FAT3: variants seen among roughly 807,000 people sequenced by gnomAD.
FAT3 encodes the protein protocadherin Fat 3.
In FAT3, 95 loss-of-function variants were observed where a neutral mutation model predicts 310.2. That is an observed-to-expected ratio of 0.31 (90% confidence interval 0.26 to 0.36). The LOEUF (loss-of-function observed/expected upper bound fraction) is 0.36, where lower values mean the gene tolerates loss of function less well. Among genes scored for constraint, FAT3 ranks in the 10% least tolerant of loss-of-function variants. FAT3 has a pLI of 1.00. For missense variants in FAT3, 5,408 were observed against 5,715.6 expected (o/e 0.95, Z 1.74); for synonymous variants, 2,314 against 2,192.9 (o/e 1.06, Z -1.54).
chr11:92,867,063 A>G lies in FAT3; in HGVS notation c.11981A>G (p.Asn3994Ser), dbSNP rs1438060241. The part of the protein sequence containing the change: ...GCLDSVILNN[N>S]ELPLQNKRSS... ...CTGGACTCGGTGATACTGAATAACAATGAGCTGCCGCTGCAGAACAAGCGC... is the reference window on the plus strand; with the variant it reads ...CTGGACTCGGTGATACTGAATAACAGTGAGCTGCCGCTGCAGAACAAGCGC... The change falls in exon 22 of 28, where the codon AAT becomes AGT. Residue 3994 changes from asparagine to serine, a missense_variant. Asn to Ser is a conservative substitution (Grantham distance 46, BLOSUM62 1). This residue lies in a region of FAT3 where 4,588 missense variants were observed against 4,809.8 expected (regional missense o/e 0.95). Coordinates refer to ENST00000525166, the MANE Select transcript of FAT3 (RefSeq NM_001367949.2). The G allele has an allele frequency of 1.3e-6, 2 of 1,589,838 alleles. No homozygotes were observed. The highest frequency in any genetic ancestry group is 1.7e-6 in the Non-Finnish European group (2 of 1,168,474).
At chr11:92,263,070 A>G (rs1865623485) in intron 1 of FAT3, among the ~76,000 whole-genome samples, 1 of 151,532 alleles carries the variant, frequency 6.6e-6, no homozygotes, top group East Asian at 1.9e-4. Context: ...TGTTGATCTC[A>G]TCTACCTGGG....
chr11:92,436,032 T>A (rs1950931835), intron 2 of FAT3, among the ~76,000 whole-genome samples: 1 of 152,210 alleles, frequency 6.6e-6, no homozygotes, highest in South Asian at 2.1e-4. Flanking sequence ...GCTCTCTCAT[T>A]CATCTGTGCA....
intron 3 of FAT3, among the ~76,000 whole-genome samples, chr11:92,673,996 C>T (rs1449572548): frequency 6.6e-6 from 1 of 151,938 alleles, no homozygotes; most frequent in East Asian, 1.9e-4. Context: ...GCCTGGCCAA[C>T]ATGGTGAAAC....
At chr11:92,387,013 G>A (rs1949639266) in intron 2 of FAT3, among the ~76,000 whole-genome samples, 1 of 151,742 alleles carries the variant, frequency 6.6e-6, no homozygotes, top group Non-Finnish European at 1.5e-5. Context: ...GATTCATAAT[G>A]TACTGTGATA....
chr11:92,549,565 A>G (rs1206684304), intron 3 of FAT3, among the ~76,000 whole-genome samples: 1 of 150,508 alleles, frequency 6.6e-6, no homozygotes, highest in Non-Finnish European at 1.5e-5. Context: ...TTTGGCATTT[A>G]CTTAAGGTAC....
At chr11:92,280,628 A>C (rs1946395476) in intron 1 of FAT3, among the ~76,000 whole-genome samples, 1 of 152,158 alleles carries the variant, frequency 6.6e-6, no homozygotes, top group Non-Finnish European at 1.5e-5. Flanking sequence ...AACCTCTTAA[A>C]ATATTTCAGA....
chr11:92,329,341 T>C (rs1947847417), intron 1 of FAT3, among the ~76,000 whole-genome samples: 1 of 151,936 alleles, frequency 6.6e-6, no homozygotes, highest in African/African-American at 2.4e-5. Context: ...AGCTGGCTGT[T>C]AAAAAGAGCC....
At chr11:92,466,924 A>G (rs1201228516) in intron 2 of FAT3, among the ~76,000 whole-genome samples, 1 of 151,966 alleles carries the variant, frequency 6.6e-6, no homozygotes, top group Non-Finnish European at 1.5e-5. Context: ...ATCATTTTGT[A>G]TGGCTGCATA....
chr11:92,606,164 G>A (rs977211189), intron 3 of FAT3, among the ~76,000 whole-genome samples: 1 of 152,180 alleles, frequency 6.6e-6, no homozygotes, highest in African/African-American at 2.4e-5. Context: ...AACTATGCCA[G>A]TGTTTTCTCC....
chr11:92,421,364 GAGA>G (rs1260080161), intron 2 of FAT3, among the ~76,000 whole-genome samples: 1 of 152,158 alleles, frequency 6.6e-6, no homozygotes, highest in Non-Finnish European at 1.5e-5. Context: ...TGCAAAATTA[GAGA>G]AGATGTCTGG....
intron 2 of FAT3, among the ~76,000 whole-genome samples, chr11:92,370,912 C>G (rs1949169248): frequency 6.6e-6 from 1 of 152,132 alleles, no homozygotes; most frequent in South Asian, 2.1e-4. Flanking sequence ...GTTCAAGAAC[C>G]AGGATGTAAG....
chr11:92,591,301 A>T (rs901191717), intron 3 of FAT3, among the ~76,000 whole-genome samples: 1 of 152,090 alleles, frequency 6.6e-6, no homozygotes, highest in Non-Finnish European at 1.5e-5. Context: ...GATGGTTCTT[A>T]ATGGGTCCCT....
intron 3 of FAT3, among the ~76,000 whole-genome samples, chr11:92,543,868 T>C (rs907182189): frequency 2.6e-5 from 4 of 152,212 alleles, no homozygotes; most frequent in Non-Finnish European, 4.4e-5. Context: ...GAGTAACACA[T>C]CTTCCCTCAA....
At chr11:92,411,845 G>A (rs1212067409) in intron 2 of FAT3, among the ~76,000 whole-genome samples, 1 of 151,598 alleles carries the variant, frequency 6.6e-6, no homozygotes, top group Non-Finnish European at 1.5e-5. Flanking sequence ...ATCATATTTT[G>A]TATAATAGCC....
intron 1 of FAT3, among the ~76,000 whole-genome samples, chr11:92,350,120 T>G (rs1472077960): frequency 6.6e-6 from 1 of 151,954 alleles, no homozygotes; most frequent in African/African-American, 2.4e-5. Context: ...AGGTAAAAAC[T>G]TTTTCCTATT....
chr11:92,889,382 A>C (rs1949864891), intron 26 of FAT3, 134 bp downstream of exon 26: 1 of 450,192 alleles, frequency 2.2e-6, no homozygotes, highest in Non-Finnish European at 3.9e-6. Flanking sequence ...TGGGATATTT[A>C]TGGATCTGTT....
intron 2 of FAT3, among the ~76,000 whole-genome samples, chr11:92,448,734 G>T (rs1340243930): frequency 6.6e-6 from 1 of 152,070 alleles, no homozygotes; most frequent in East Asian, 1.9e-4. Flanking sequence ...AAGTGTGCTG[G>T]GAAAACAGAA....
In FAT3 at chr11:92,355,389, A is replaced by G. The variant is rs749518639; in HGVS notation, c.3277A>G (p.Ile1093Val). ...TGGCAGTGGTCTTGGAAGGTTCAGT[A>G]TAGACGACGAGAGTGGTAAGTGTAA... ...RDGSGLGRFS[I>V]DDESGVITAA... is the part of the protein sequence containing the mutation. The change falls in exon 2 of 28, where the codon ATA becomes GTA. Residue 1093 changes from isoleucine to valine, a missense_variant. Coordinates refer to ENST00000525166, the MANE Select transcript of FAT3 (RefSeq NM_001367949.2). The G allele has an allele frequency of 6.2e-6, 10 of 1,610,506 alleles. No individual in the cohort carries two copies. Among genetic ancestry groups the G allele is most frequent in the Non-Finnish European group, 8.5e-6 (10 of 1,177,318 alleles).
chr11:92,353,662 T>C lies in FAT3; in HGVS notation c.1550T>C (p.Leu517Ser), dbSNP rs139595720. Reference sequence around the variant, plus strand: ...TATAGTATCGCTAGCCTGAATTTGTTACCATTTGTCATTAATCAGTTTACA... The same window carrying C: ...TATAGTATCGCTAGCCTGAATTTGTCACCATTTGTCATTAATCAGTTTACA... ...ITYSIASLNL[L>S]PFVINQFTGV... Residue 517 changes from leucine (L) to serine (S), a missense_variant, in exon 2 of 28, where the codon TTA (leucine) becomes TCA (serine). Around this residue, in one of 5 missense-constraint regions of FAT3, gnomAD observed 4,588 missense variants for 4,809.8 expected, o/e 0.95. Transcript: ENST00000525166. The C allele has an allele frequency of 8.3e-3, 13,362 of 1,613,926 alleles. 80 individuals carry two copies. The highest frequency in any genetic ancestry group is 0.01 in the Non-Finnish European group (11,804 of 1,179,870).
Sources: allele counts gnomAD v4.1 joint callset (sites outside exome capture counted in the v4.1 genomes callset), GRCh38; gene constraint gnomAD v4.1.1; regional missense constraint gnomAD v4.1.1; transcripts MANE v1.5; gene names NCBI Gene and HGNC (gene_info 2026-07-23, HGNC 2026-07-21).